The following CEP63 variants were observed in gnomAD, a reference collection of about 807,000 sequenced individuals.
CEP63 encodes centrosomal protein of 63 kDa.
A neutral mutation model predicts 89.1 loss-of-function variants in CEP63; 84 were observed. The ratio of observed to expected loss-of-function variants is 0.94; its 90% CI spans 0.79 to 1.13. The LOEUF (loss-of-function observed/expected upper bound fraction) is 1.13, where lower values mean the gene tolerates loss of function less well. Ranked by LOEUF, CEP63 falls within the 50% of genes most tolerant of loss-of-function variation. The probability of loss-of-function intolerance (pLI) is 0.00; values close to 1 mark genes in which losing one functional copy is unlikely to be tolerated. For missense variants in CEP63, 838 were observed against 813.3 expected, an observed-to-expected ratio of 1.03 and a Z score of -0.37; for synonymous variants, 267 against 272.5, an observed-to-expected ratio of 0.98 and a Z score of 0.20.
the CEP63 span, among the ~76,000 whole-genome samples, chr3:134,658,843 C>T: frequency 6.6e-6 from 1 of 152,150 alleles, no homozygotes; most frequent in Non-Finnish European, 1.5e-5. Flanking sequence ...CTCCCTGCTC[C>T]GATCAGAGTC....
At chr3:134,667,682 G>A in the CEP63 span, among the ~76,000 whole-genome samples, 1 of 152,210 alleles carries the variant, frequency 6.6e-6, no homozygotes, top group Admixed American at 6.5e-5. Context: ...TGGGCATGAT[G>A]GTGGCTGTGC....
At chr3:134,490,460 A>G (rs183273998) in intron 1 of CEP63, among the ~76,000 whole-genome samples, 1,554 of 152,204 alleles carry the variant, frequency 0.01, 14 homozygotes, top group Middle Eastern at 0.051. Context: ...CTTATTTTAT[A>G]TGTCTCTAGG....
chr3:134,729,534 C>T, the CEP63 span, among the ~76,000 whole-genome samples: 1 of 152,154 alleles, frequency 6.6e-6, no homozygotes, highest in Non-Finnish European at 1.5e-5. Flanking sequence ...TGAGCAGACA[C>T]AGTTTTTGTC....
intron 8 of CEP63, among the ~76,000 whole-genome samples, chr3:134,546,525 G>GT (rs1452435580): frequency 2.0e-5 from 3 of 152,092 alleles, no homozygotes; most frequent in Admixed American, 6.5e-5. Context: ...CACCTGGCTA[G>GT]TTTTTTGTAT....
chr3:134,532,664 CAT>C (rs1950073560), intron 4 of CEP63, 112 bp from the exon 5 acceptor site: 1 of 732,034 alleles, frequency 1.4e-6, no homozygotes, highest in Non-Finnish European at 2.3e-6. Context: ...GGAAATCTAA[CAT>C]GTTCTCAGTA....
At chr3:134,490,835 A>T (rs914791405) in intron 1 of CEP63, among the ~76,000 whole-genome samples, 1 of 152,102 alleles carries the variant, frequency 6.6e-6, no homozygotes, top group African/African-American at 2.4e-5. Context: ...ATGTGCTATT[A>T]TGTATACTGT....
chr3:134,619,145 T>C, the CEP63 span: 1 of 1,612,312 alleles, frequency 6.2e-7, no homozygotes, highest in Non-Finnish European at 8.5e-7. Context: ...CTGTCTCTCG[T>C]ACCTGCACAT....
the CEP63 span, chr3:134,606,987 T>G: frequency 1.4e-5 from 14 of 985,162 alleles, no homozygotes; most frequent in African/African-American, 1.7e-5. Context: ...AAAGAAATAC[T>G]CTGTACATAA....
intron 12 of CEP63, 152 bp from the exon 13 acceptor site, chr3:134,557,990 C>T (rs1054538558): frequency 7.5e-6 from 5 of 668,616 alleles, no homozygotes; most frequent in Non-Finnish European, 1.3e-5. Flanking sequence ...TTCTTTATCT[C>T]TGTTAGTCTT....
intron 2 of CEP63, among the ~76,000 whole-genome samples, chr3:134,501,216 A>G (rs140322283): frequency 0.014 from 2,193 of 152,280 alleles, 57 homozygotes; most frequent in African/African-American, 0.05. Flanking sequence ...TTGTACCAGT[A>G]TCATGCTGTT....
chr3:134,680,057 A>T, the CEP63 span, among the ~76,000 whole-genome samples: 1 of 152,172 alleles, frequency 6.6e-6, no homozygotes, highest in Non-Finnish European at 1.5e-5. Context: ...GGAGATTAAG[A>T]CACAGACACA....
chr3:134,532,088 T>C lies in CEP63; in HGVS notation c.318+148T>C, dbSNP rs1949963325. ...CAGGAGTGGGAATCCATTTCTCTGT[T>C]CTTTAATCCAGGTAAAGAGGTTTGC... On this transcript the variant is annotated intron_variant, in intron 4 of 14. Transcript: ENST00000675561. 2.8e-5 allele frequency: 17 copies of C among 615,648 alleles called. No homozygotes were observed. The Admixed American group carries it at 2.9e-4, about 11-fold the overall frequency. 38.1% of individuals were successfully genotyped at this position (615,648 alleles called of 1,614,324 possible). A position where few individuals can be genotyped will look rare whatever the true frequency, so the allele number is the denominator to read the frequency against.
At chr3:134,752,208 GA>G in the CEP63 span, among the ~76,000 whole-genome samples, 2 of 152,190 alleles carry the variant, frequency 1.3e-5, no homozygotes, top group Non-Finnish European at 2.9e-5. Flanking sequence ...GGGCAAGAGG[GA>G]ACCAGAGAGA....
chr3:134,680,613 T>A, the CEP63 span, among the ~76,000 whole-genome samples: 45,618 of 151,892 alleles, frequency 0.3, 7,431 homozygotes, highest in African/African-American at 0.44. Context: ...GGGTGTAAAA[T>A]ATCTGGCTTA....
At chr3:134,510,963 T>A (rs1422316045) in intron 3 of CEP63, 1 of 147,462 alleles carries the variant, frequency 6.8e-6, no homozygotes, top group Non-Finnish European at 1.4e-5. Context: ...TTACCCCTTG[T>A]CCACCTTTGA....
the CEP63 span, among the ~76,000 whole-genome samples, chr3:134,757,366 T>C: frequency 6.6e-6 from 1 of 152,192 alleles, no homozygotes; most frequent in Admixed American, 6.5e-5. Flanking sequence ...CAAACTCCCA[T>C]TTCACAGACA....
chr3:134,523,948 G>A (rs1205345069), intron 3 of CEP63, among the ~76,000 whole-genome samples: 1 of 152,166 alleles, frequency 6.6e-6, no homozygotes, highest in African/African-American at 2.4e-5. Flanking sequence ...TAGTTTAATA[G>A]GAATAGTGTT....
chr3:134,555,431 G>T (rs1391309309), intron 12 of CEP63, among the ~76,000 whole-genome samples: 4 of 150,470 alleles, frequency 2.7e-5, no homozygotes, highest in African/African-American at 9.7e-5. Context: ...AAAGTCTCAG[G>T]ATACAAAATC....
the CEP63 span, among the ~76,000 whole-genome samples, chr3:134,642,404 C>CA: frequency 1.3e-5 from 2 of 152,236 alleles, no homozygotes; most frequent in Admixed American, 1.3e-4. Flanking sequence ...AATACTCAGA[C>CA]ACCAGGGCCC....
Sources: allele counts gnomAD v4.1 joint callset (sites outside exome capture counted in the v4.1 genomes callset), GRCh38; gene constraint gnomAD v4.1.1; transcripts MANE v1.5; gene names NCBI Gene and HGNC (gene_info 2026-07-23, HGNC 2026-07-21).